The following PLEKHM3 variants were observed in gnomAD, a reference collection of about 807,000 sequenced individuals.
The protein encoded by PLEKHM3 is pleckstrin homology domain-containing family M member 3.
Under a neutral mutation model 81.8 loss-of-function variants are expected in PLEKHM3, and 45 were observed. The ratio of observed to expected loss-of-function variants is 0.55; its 90% confidence interval spans 0.43 to 0.71. The LOEUF (loss-of-function observed/expected upper bound fraction) is 0.71. Among genes scored for constraint, PLEKHM3 ranks in the 30% least tolerant of loss-of-function variants. The pLI, the probability that PLEKHM3 is intolerant of heterozygous loss-of-function variation, is 0.00. For synonymous variants in PLEKHM3, 352 were observed against 356.4 expected, an observed-to-expected ratio of 0.99 and a Z score of 0.14; for missense variants, 788 against 924.3, an observed-to-expected ratio of 0.85 and a Z score of 1.91.
intron 2 of PLEKHM3, among the ~76,000 whole-genome samples, chr2:207,979,171 T>C (rs1056290418): frequency 1.3e-5 from 2 of 152,230 alleles, no homozygotes; most frequent in Non-Finnish European, 2.9e-5. Flanking sequence ...AGCTGCAATA[T>C]ATACTAGTTT....
intron 1 of PLEKHM3, among the ~76,000 whole-genome samples, chr2:208,004,915 C>A (rs768843014): frequency 1.3e-5 from 2 of 152,078 alleles, no homozygotes; most frequent in African/African-American, 2.4e-5. Context: ...ACCTCTACCC[C>A]ACGGCGTTCA....
intron 1 of PLEKHM3, among the ~76,000 whole-genome samples, chr2:208,006,214 C>T (rs143509557): frequency 6.6e-6 from 1 of 152,208 alleles, no homozygotes; most frequent in African/African-American, 2.4e-5. Context: ...AAATTCACTA[C>T]AGTACAACAG....
At chr2:207,909,411 A>T (rs1688741790) in intron 5 of PLEKHM3, among the ~76,000 whole-genome samples, 1 of 152,152 alleles carries the variant, frequency 6.6e-6, no homozygotes, top group Non-Finnish European at 1.5e-5. Flanking sequence ...GGTACTATGC[A>T]ATTTTCTTGT....
intron 2 of PLEKHM3, among the ~76,000 whole-genome samples, chr2:207,997,986 C>A (rs139895118): frequency 6.6e-6 from 1 of 152,168 alleles, no homozygotes; most frequent in Non-Finnish European, 1.5e-5. Context: ...TATTGGCACA[C>A]CCCTCCACAA....
chr2:207,880,867 CT>C (rs57873104), intron 6 of PLEKHM3, among the ~76,000 whole-genome samples: 10 of 143,128 alleles, frequency 7.0e-5, no homozygotes, highest in East Asian at 2.1e-4. Context: ...CATAAGAAGT[CT>C]TTTTTTTTAC....
chr2:207,971,435 A>C (rs1691116645), intron 3 of PLEKHM3, among the ~76,000 whole-genome samples: 1 of 152,130 alleles, frequency 6.6e-6, no homozygotes, highest in African/African-American at 2.4e-5. Flanking sequence ...TTCCCAACAC[A>C]AAGAAATGAT....
intron 6 of PLEKHM3, among the ~76,000 whole-genome samples, chr2:207,880,204 C>T (rs1252835111): frequency 6.6e-6 from 1 of 151,916 alleles, no homozygotes; most frequent in Non-Finnish European, 1.5e-5. Context: ...GCCAGGAGTT[C>T]GAGACCAGCC....
chr2:207,971,857 T>G (rs1224961887), intron 3 of PLEKHM3, among the ~76,000 whole-genome samples: 2 of 152,244 alleles, frequency 1.3e-5, no homozygotes, highest in East Asian at 3.8e-4. Flanking sequence ...TGTGCTTCTC[T>G]GCTCAAGAAC....
At chr2:207,901,952 G>A (rs755187446) in intron 6 of PLEKHM3, among the ~76,000 whole-genome samples, 4 of 152,168 alleles carry the variant, frequency 2.6e-5, no homozygotes, top group Non-Finnish European at 5.9e-5. Flanking sequence ...CAACACAGGC[G>A]AGCTGTCACG....
At chr2:207,936,877 G>C (rs1479903720) in intron 4 of PLEKHM3, among the ~76,000 whole-genome samples, 1 of 151,046 alleles carries the variant, frequency 6.6e-6, no homozygotes, top group Non-Finnish European at 1.5e-5. Context: ...GTGTGTGTGT[G>C]TGTGTAAATA....
chr2:207,848,435 T>C (rs542801580), intron 7 of PLEKHM3, among the ~76,000 whole-genome samples: 1 of 152,278 alleles, frequency 6.6e-6, no homozygotes, highest in African/African-American at 2.4e-5. Flanking sequence ...CATGGAGCCT[T>C]CTCCATGCAC....
intron 6 of PLEKHM3, among the ~76,000 whole-genome samples, chr2:207,880,349 G>C (rs1317442753): frequency 6.6e-6 from 1 of 151,558 alleles, no homozygotes; most frequent in Non-Finnish European, 1.5e-5. Flanking sequence ...GAAGGTTGCA[G>C]TGAGCTGAGA....
chr2:207,998,013 C>A (rs899468386), intron 2 of PLEKHM3, among the ~76,000 whole-genome samples: 2 of 152,184 alleles, frequency 1.3e-5, no homozygotes, highest in Admixed American at 1.3e-4. Flanking sequence ...ATGAGAATAC[C>A]GGCCTCAGAA....
chr2:207,837,043 T>C (rs1178727978), intron 7 of PLEKHM3, among the ~76,000 whole-genome samples: 1 of 152,130 alleles, frequency 6.6e-6, no homozygotes, highest in East Asian at 1.9e-4. Context: ...TATTACTGGT[T>C]TTTCCAAAAA....
chr2:207,847,617 G>A (rs1012119814), intron 7 of PLEKHM3, among the ~76,000 whole-genome samples: 2 of 152,142 alleles, frequency 1.3e-5, no homozygotes, highest in Admixed American at 6.5e-5. Flanking sequence ...AAACACAAGC[G>A]AGAGTCTGGT....
At chr2:207,917,771 G>A (rs988962834) in intron 5 of PLEKHM3, among the ~76,000 whole-genome samples, 2 of 152,112 alleles carry the variant, frequency 1.3e-5, no homozygotes, top group African/African-American at 4.8e-5. Context: ...TTTGAGCTTG[G>A]GAGGTCGAGG....
chr2:207,940,838 C>T (rs984374680), intron 4 of PLEKHM3, among the ~76,000 whole-genome samples: 4 of 152,324 alleles, frequency 2.6e-5, no homozygotes, highest in African/African-American at 4.8e-5. Context: ...ATAAAAATAT[C>T]TGGAGCACAG....
chr2:207,844,395 C>T (rs1364730544), intron 7 of PLEKHM3, among the ~76,000 whole-genome samples: 6 of 150,842 alleles, frequency 4.0e-5, no homozygotes, highest in South Asian at 2.1e-4. Context: ...CTCCGCCTCC[C>T]GGGCTCACGC....
At chr2:207,962,410 T>C (rs1487302788) in intron 3 of PLEKHM3, among the ~76,000 whole-genome samples, 4 of 152,246 alleles carry the variant, frequency 2.6e-5, no homozygotes, top group Non-Finnish European at 5.9e-5. Flanking sequence ...GCTGCATTTA[T>C]GGCCCTCCCA....
Sources: gnomAD v4.1 joint callset for allele counts (sites outside exome capture counted in the v4.1 genomes callset) on GRCh38, gnomAD v4.1.1 for gene constraint, MANE v1.5 for transcripts, NCBI Gene and HGNC (gene_info 2026-07-23, HGNC 2026-07-21) for gene names.